The following CDK19 variants were observed in gnomAD, a reference collection of about 807,000 sequenced individuals.
The protein encoded by CDK19 is cyclin-dependent kinase 19.
In CDK19, 20 loss-of-function variants were observed where a neutral mutation model predicts 68.3. The observed-to-expected ratio is 0.29, with a 90% CI of 0.21 to 0.43. The LOEUF (loss-of-function observed/expected upper bound fraction) is 0.43. Among genes scored for constraint, CDK19 ranks in the 20% least tolerant of loss-of-function variants. The pLI, the probability that CDK19 is intolerant of heterozygous loss-of-function variation, is 1.00. For synonymous variants in CDK19, 221 were observed against 222.8 expected (o/e 0.99, Z 0.07); for missense variants, 339 against 623.5 (o/e 0.54, Z 4.86).
chr6:110,617,020 T>G (rs780408370), intron 12 of CDK19, among the ~76,000 whole-genome samples: 4 of 152,158 alleles, frequency 2.6e-5, no homozygotes, highest in Non-Finnish European at 5.9e-5. Context: ...CTAATGGAAC[T>G]GTTGGGGCAC....
rs1255951539 is a variant in CDK19 at position 110,738,390 on chromosome 6, C to T, written c.204+7736G>A. On this transcript the variant is annotated intron_variant, in intron 2 of 12. Coordinates refer to ENST00000368911, the MANE Select transcript of CDK19 (RefSeq NM_015076.5). ...AAAAAATTAGCCAGGGATGGTGGCA[C>T]ATGCTTGTAATCCCAGCTACTCAGG... is the stretch of plus-strand genomic sequence containing the variant. Among the ~76,000 whole-genome samples the T allele has an allele frequency of 2.6e-5, 4 of 151,586 alleles. No individual in the cohort carries two copies. In the East Asian group the frequency reaches 7.7e-4, roughly 29 times the overall value.
At chr6:110,673,330 T>A (rs1011256962) in intron 2 of CDK19, among the ~76,000 whole-genome samples, 3 of 152,210 alleles carry the variant, frequency 2.0e-5, no homozygotes, top group African/African-American at 7.2e-5. Flanking sequence ...AGACCATATT[T>A]CGTTTGTCCA....
At chr6:110,771,841 A>G (rs1051441722) in intron 1 of CDK19, among the ~76,000 whole-genome samples, 9 of 152,240 alleles carry the variant, frequency 5.9e-5, no homozygotes, top group Non-Finnish European at 1.0e-4. Context: ...TCTCTAGAGC[A>G]GGGGCAAAAT....
In CDK19 at chr6:110,679,064, T is replaced by A. The variant is rs1175733475; in HGVS notation, c.205-8523A>T. Among the ~76,000 whole-genome samples, 4 of 152,192 alleles carry A rather than the reference T, an allele frequency of 2.6e-5. No homozygotes were observed. The South Asian group carries it at 6.2e-4, about 24-fold the overall frequency. On this transcript the variant is annotated intron_variant, in intron 2 of 12. Transcript: ENST00000368911. ...TGGCTCACACTTGTAATTCCAGCACTTTGGGAGGCCAAGGCAGGAGGACCA... is the reference window on the plus strand; with the variant it reads ...TGGCTCACACTTGTAATTCCAGCACATTGGGAGGCCAAGGCAGGAGGACCA...
chr6:110,689,429 C>T (rs1359611247), intron 2 of CDK19, among the ~76,000 whole-genome samples: 1 of 152,172 alleles, frequency 6.6e-6, no homozygotes, highest in African/African-American at 2.4e-5. Context: ...AGTAAAAATC[C>T]CACCACTACT....
At chr6:110,682,598 T>C (rs1320979887) in intron 2 of CDK19, among the ~76,000 whole-genome samples, 1 of 152,206 alleles carries the variant, frequency 6.6e-6, no homozygotes, top group East Asian at 1.9e-4. Flanking sequence ...CTAAATCTTC[T>C]GCTTCATTTT....
chr6:110,783,736 C>T (rs1196719870), intron 1 of CDK19, among the ~76,000 whole-genome samples: 1 of 151,730 alleles, frequency 6.6e-6, no homozygotes, highest in Non-Finnish European at 1.5e-5. Flanking sequence ...TCTTTGCAAC[C>T]TTGGATCAAG....
chr6:110,723,132 T>C (rs1776039014), intron 2 of CDK19, among the ~76,000 whole-genome samples: 1 of 97,084 alleles, frequency 1.0e-5, no homozygotes, highest in African/African-American at 4.0e-5. Flanking sequence ...TTCAAGGCTT[T>C]GTCAAAAAAA....
chr6:110,646,229 G>A (rs1212999899), intron 4 of CDK19: 2 of 1,470,302 alleles, frequency 1.4e-6, no homozygotes, highest in Non-Finnish European at 1.8e-6. Flanking sequence ...ACGCGCAGGA[G>A]CTGCTGGCTC....
At chr6:110,787,520 C>T (rs1218340206) in intron 1 of CDK19, among the ~76,000 whole-genome samples, 2 of 152,076 alleles carry the variant, frequency 1.3e-5, no homozygotes, top group Non-Finnish European at 2.9e-5. Context: ...AATCACAGCT[C>T]ACTGTAGCCT....
intron 1 of CDK19, among the ~76,000 whole-genome samples, chr6:110,769,152 CAA>C (rs536664282): frequency 0.015 from 756 of 50,510 alleles, 2 homozygotes; most frequent in African/African-American, 0.053. Context: ...GACTCTGTCT[CAA>C]AAAAAAAAAA....
At chr6:110,674,744 T>C (rs1381333758) in intron 2 of CDK19, among the ~76,000 whole-genome samples, 2 of 151,586 alleles carry the variant, frequency 1.3e-5, no homozygotes, top group Admixed American at 6.6e-5. Flanking sequence ...CTACTAAAAA[T>C]AGAAAAAATT....
At chr6:110,731,488 T>A (rs554070590) in intron 2 of CDK19, among the ~76,000 whole-genome samples, 14 of 152,278 alleles carry the variant, frequency 9.2e-5, no homozygotes, top group Non-Finnish European at 1.8e-4. Flanking sequence ...AGTTTCTTTG[T>A]GGGATGATGA....
At chr6:110,704,249 T>A (rs1774252992) in intron 2 of CDK19, among the ~76,000 whole-genome samples, 1 of 152,160 alleles carries the variant, frequency 6.6e-6, no homozygotes, top group Non-Finnish European at 1.5e-5. Context: ...GAGTATGAAA[T>A]CAAAAGACTT....
chr6:110,753,732 T>G (rs536823178), intron 1 of CDK19, among the ~76,000 whole-genome samples: 3 of 152,068 alleles, frequency 2.0e-5, no homozygotes, highest in Non-Finnish European at 4.4e-5. Context: ...TTTCTTTTTT[T>G]TTAAGGTGTT....
chr6:110,808,045 T>C (rs1196802296), intron 1 of CDK19, among the ~76,000 whole-genome samples: 1 of 152,230 alleles, frequency 6.6e-6, no homozygotes, highest in African/African-American at 2.4e-5. Flanking sequence ...ATATTTCTCC[T>C]GTAACTTGAA....
At chr6:110,705,801 C>A (rs1562216031) in intron 2 of CDK19, among the ~76,000 whole-genome samples, 1 of 152,024 alleles carries the variant, frequency 6.6e-6, no homozygotes, top group African/African-American at 2.4e-5. Flanking sequence ...GAGAGTTGAA[C>A]AATGAGAACA....
intron 2 of CDK19, among the ~76,000 whole-genome samples, chr6:110,678,333 T>C (rs1229661945): frequency 6.6e-6 from 1 of 152,046 alleles, no homozygotes; most frequent in Admixed American, 6.6e-5. Context: ...TGTATCCAGC[T>C]GCCTCAAGAG....
intron 4 of CDK19, among the ~76,000 whole-genome samples, chr6:110,649,224 C>A (rs1780817318): frequency 6.6e-6 from 1 of 151,912 alleles, no homozygotes; most frequent in African/African-American, 2.4e-5. Flanking sequence ...TCAATGGAAT[C>A]ATGATACCAA....
Sources: gnomAD v4.1 joint callset for allele counts (sites outside exome capture counted in the v4.1 genomes callset) on GRCh38, gnomAD v4.1.1 for gene constraint, MANE v1.5 for transcripts, NCBI Gene and HGNC (gene_info 2026-07-23, HGNC 2026-07-21) for gene names.